Variants in TCF7L2 observed in about 807,000 individuals in gnomAD.
TCF7L2 encodes transcription factor 7 like 2, also known as transcription factor 7-like 2.
A neutral mutation model predicts 77.9 loss-of-function variants in TCF7L2; 23 were observed. That is an observed-to-expected ratio of 0.30 (90% CI 0.21 to 0.42). TCF7L2 has a LOEUF of 0.42. Among genes scored for constraint, TCF7L2 ranks in the 10% least tolerant of loss-of-function variants. The probability of loss-of-function intolerance (pLI) is 1.00; values close to 1 mark genes in which losing one functional copy is unlikely to be tolerated. For missense variants in TCF7L2, 654 were observed against 793.1 expected, an observed-to-expected ratio of 0.82 and a Z score of 2.11; for synonymous variants, 413 against 340.2, an observed-to-expected ratio of 1.21 and a Z score of -2.36.
chr10:113,119,626 T>A (rs2064429801), intron 5 of TCF7L2, among the ~76,000 whole-genome samples: 1 of 151,068 alleles, frequency 6.6e-6, no homozygotes, highest in African/African-American at 2.4e-5. Context: ...GCCACATGTC[T>A]CCACCCCCAA....
chr10:113,088,994 A>G (rs2060106515), intron 5 of TCF7L2, among the ~76,000 whole-genome samples: 2 of 152,144 alleles, frequency 1.3e-5, no homozygotes, highest in Non-Finnish European at 2.9e-5. Flanking sequence ...AAGTGGAACC[A>G]TATGTAATTG....
At chr10:113,112,770 G>A (rs1439795141) in intron 5 of TCF7L2, among the ~76,000 whole-genome samples, 3 of 152,144 alleles carry the variant, frequency 2.0e-5, no homozygotes, top group Non-Finnish European at 4.4e-5. Flanking sequence ...TGATGTTATG[G>A]AGGCATGTTG....
chr10:113,036,115 C>CCAT lies in TCF7L2; in HGVS notation c.451-3863_451-3861dup, dbSNP rs71869784. Among the ~76,000 whole-genome samples, 660 of 146,586 alleles carry CCAT rather than the reference C, an allele frequency of 4.5e-3. 2 individuals are homozygous for CCAT. The highest frequency in any genetic ancestry group is 9.5e-3 in the Admixed American group (137 of 14,350). On this transcript the variant is annotated intron_variant, in intron 4 of 13. Transcript: ENST00000627217. ...TGTCGCCATATCATCATCATCATCA[C>CCAT]CATCATCATCATCATCATCATCATC...
Position 113,118,918 on chromosome 10 carries a change from T to A in TCF7L2, c.553-22266T>A, listed in dbSNP as rs189043034. ...GCTATTTGGAGGTCTTCTTTGAAAA[T>A]GCAATTGTAATGAACGCATTCAGAA... On this transcript the variant is annotated intron_variant, in intron 5 of 13. Transcript: ENST00000627217. 3.3e-3 allele frequency among the ~76,000 whole-genome samples: 500 copies of A among 152,202 alleles called. 2 individuals carry two copies. Among genetic ancestry groups the A allele is most frequent in the Non-Finnish European group, 5.4e-3 (364 of 68,000 alleles).
chr10:113,027,877 G>T (rs941143174), intron 4 of TCF7L2, among the ~76,000 whole-genome samples: 1 of 152,136 alleles, frequency 6.6e-6, no homozygotes, highest in Non-Finnish European at 1.5e-5. Flanking sequence ...CTTGCCACCC[G>T]TCCCATGGAA....
At chr10:113,145,222 C>T (rs751281569) in intron 7 of TCF7L2, among the ~76,000 whole-genome samples, 1 of 151,438 alleles carries the variant, frequency 6.6e-6, no homozygotes, top group Non-Finnish European at 1.5e-5. Context: ...TTTATTGGGA[C>T]GGTAGACATG....
At chr10:113,070,829 A>G (rs1362116222) in intron 5 of TCF7L2, among the ~76,000 whole-genome samples, 3 of 152,158 alleles carry the variant, frequency 2.0e-5, no homozygotes, top group Non-Finnish European at 4.4e-5. Flanking sequence ...AAAGCATGCA[A>G]TTCAGTGGTT....
At chr10:113,086,375 A>C (rs1188483783) in intron 5 of TCF7L2, among the ~76,000 whole-genome samples, 2 of 152,186 alleles carry the variant, frequency 1.3e-5, no homozygotes, top group African/African-American at 4.8e-5. Flanking sequence ...CCCATGTATT[A>C]GAACCATCTC....
At chr10:112,967,887 G>A (rs751453326) in intron 4 of TCF7L2, among the ~76,000 whole-genome samples, 5 of 151,888 alleles carry the variant, frequency 3.3e-5, no homozygotes, top group East Asian at 1.9e-4. Flanking sequence ...CTCCTGCCTC[G>A]GCCTCCCAAA....
chr10:113,155,244 T>C (rs2071617526), intron 11 of TCF7L2, among the ~76,000 whole-genome samples: 1 of 152,134 alleles, frequency 6.6e-6, no homozygotes, highest in Admixed American at 6.5e-5. Context: ...TTGAGTCCCA[T>C]AGTAATATGT....
chr10:113,146,924 G>C (rs951263648), intron 8 of TCF7L2, among the ~76,000 whole-genome samples: 1 of 152,102 alleles, frequency 6.6e-6, no homozygotes, highest in East Asian at 1.9e-4. Context: ...GTGTGTGTGT[G>C]CTGTACATTC....
chr10:112,972,056 A>C (rs1374215001), intron 4 of TCF7L2, among the ~76,000 whole-genome samples: 1 of 151,988 alleles, frequency 6.6e-6, no homozygotes, highest in African/African-American at 2.4e-5. Context: ...GCTGGCCGTC[A>C]TTTTTAATCA....
Position 112,951,395 on chromosome 10 carries a change from C to T in TCF7L2, c.257-88C>T, listed in dbSNP as rs1342643708. ...GCGCCGGCCCGGTCGGGGCGCCCGG[C>T]CCCTCGGGGCACTTTCTAAAAAGTT... On this transcript the variant is annotated intron_variant, in intron 2 of 13. Coordinates refer to ENST00000627217, the MANE Select transcript of TCF7L2 (RefSeq NM_001146274.2). 5.0e-6 allele frequency: 6 copies of T among 1,208,540 alleles called. No homozygotes were observed. In the African/African-American group the frequency reaches 6.6e-5, roughly 13 times the overall value. 74.9% of individuals were successfully genotyped at this position (1,208,540 alleles called of 1,614,324 possible).
intron 5 of TCF7L2, among the ~76,000 whole-genome samples, chr10:113,128,161 C>T (rs2065968252): frequency 2.0e-5 from 3 of 152,020 alleles, no homozygotes; most frequent in Admixed American, 2.0e-4. Context: ...CTTTTGTTAC[C>T]ACCATGTAAA....
intron 5 of TCF7L2, among the ~76,000 whole-genome samples, chr10:113,070,152 A>C (rs2057772651): frequency 1.3e-5 from 2 of 151,708 alleles, no homozygotes; most frequent in African/African-American, 2.4e-5. Flanking sequence ...GCTACTCGGG[A>C]GGCTGAGGCA....
intron 5 of TCF7L2, among the ~76,000 whole-genome samples, chr10:113,069,541 C>G (rs897543602): frequency 6.6e-6 from 1 of 152,098 alleles, no homozygotes; most frequent in African/African-American, 2.4e-5. Flanking sequence ...GTATCTATAA[C>G]TGAAGGCTGT....
intron 5 of TCF7L2, among the ~76,000 whole-genome samples, chr10:113,088,913 G>A (rs1364319616): frequency 1.3e-5 from 2 of 151,504 alleles, no homozygotes; most frequent in Non-Finnish European, 2.9e-5. Context: ...AGTCCAGTCC[G>A]GGCAACATAG....
chr10:113,046,766 G>A (rs553684247), intron 5 of TCF7L2, among the ~76,000 whole-genome samples: 15 of 152,190 alleles, frequency 9.9e-5, no homozygotes, highest in African/African-American at 3.6e-4. Flanking sequence ...TTCATTGTAG[G>A]CAGTTTGGAA....
At chr10:113,161,920 C>T (rs1012964679) in intron 13 of TCF7L2, among the ~76,000 whole-genome samples, 3 of 152,250 alleles carry the variant, frequency 2.0e-5, no homozygotes, top group Admixed American at 1.3e-4. Context: ...GTTGAACACC[C>T]GGCAGGAGAG....
Sources: gnomAD v4.1 joint callset for allele counts (sites outside exome capture counted in the v4.1 genomes callset) on GRCh38, gnomAD v4.1.1 for gene constraint, MANE v1.5 for transcripts, NCBI Gene and HGNC (gene_info 2026-07-23, HGNC 2026-07-21) for gene names.